Variants in DACT2 observed in about 807,000 individuals in gnomAD.
DACT2 encodes dapper homolog 2.
In DACT2, 20 loss-of-function variants were observed where a neutral mutation model predicts 22.2. That is an observed-to-expected ratio of 0.90 (90% CI 0.63 to 1.31). DACT2 has a LOEUF of 1.31. Among genes scored for constraint, DACT2 ranks in the 50% most tolerant of loss-of-function variants. The pLI, the probability that DACT2 is intolerant of heterozygous loss-of-function variation, is 0.00. For missense variants in DACT2, 1,048 were observed against 1,061.4 expected, an observed-to-expected ratio of 0.99 and a Z score of 0.18; for synonymous variants, 463 against 479.8, an observed-to-expected ratio of 0.96 and a Z score of 0.46.
intron 1 of DACT2, among the ~76,000 whole-genome samples, chr6:168,316,290 T>C (rs1562500658): frequency 6.6e-6 from 1 of 151,408 alleles, no homozygotes. Context: ...TCTGTGGCTG[T>C]CGTGTGCTGA....
chr6:168,313,996 G>C (rs528123227), intron 1 of DACT2, among the ~76,000 whole-genome samples: 1 of 93,342 alleles, frequency 1.1e-5, no homozygotes, highest in Non-Finnish European at 2.3e-5. Context: ...TTCACGCCGC[G>C]CTTGTAACCC....
chr6:168,304,855 G>A (rs1253255123), downstream of DACT2, among the ~76,000 whole-genome samples: 1 of 152,240 alleles, frequency 6.6e-6, no homozygotes. Context: ...CTGAGCGGAG[G>A]CAAGGAGCCA....
intron 3 of DACT2, chr6:168,294,726 T>C (rs939765832): frequency 2.2e-6 from 3 of 1,374,230 alleles, no homozygotes; most frequent in Non-Finnish European, 2.9e-6. Context: ...AAAATGCAAA[T>C]GTGCGTGAGA....
At chr6:168,294,113 A>G in intron 5 of DACT2, 1 of 703,044 alleles carries the variant, frequency 1.4e-6, no homozygotes, top group Non-Finnish European at 2.6e-6. Context: ...GCACACAGAC[A>G]GTGAGCATGG....
At chr6:168,301,050 T>G (rs1779095073) in intron 3 of DACT2, among the ~76,000 whole-genome samples, 1 of 152,130 alleles carries the variant, frequency 6.6e-6, no homozygotes, top group South Asian at 2.1e-4. Context: ...AAACTCTCAT[T>G]TCTTGCTGGG....
Position 168,308,555 on chromosome 6 carries a change from C to T in DACT2, c.1202G>A (p.Gly401Asp). 6.5e-7 allele frequency: 1 copy of T among 1,530,120 alleles called. No individual in the cohort carries two copies. The highest frequency in any genetic ancestry group is 8.7e-7 in the Non-Finnish European group (1 of 1,146,018). 94.8% of individuals were successfully genotyped at this position (1,530,120 alleles called of 1,614,324 possible). A position where few individuals can be genotyped will look rare whatever the true frequency, so the allele number is the denominator to read the frequency against. The change falls in exon 4 of 4, where the codon GGC becomes GAC. Residue 401 changes from glycine (G) to aspartate (D), a missense_variant. Physicochemically the swap from Gly to Asp is moderately conservative, Grantham distance 94. Coordinates refer to ENST00000366795, the MANE Select transcript of DACT2 (RefSeq NM_214462.5). ...GPAQSRGAGR[G>D]GPQQQGYMPL... is the part of the protein sequence containing the mutation. ...CATGTATCCCTGCTGCTGGGGCCCG[C>T]CCCTGCCGGCACCCCTGCTCTGAGC...
chr6:168,319,466 G>C lies in DACT2; in HGVS notation c.168C>G (p.Ala56=). 7.5e-6 allele frequency: 9 copies of C among 1,203,452 alleles called. No homozygotes were observed. Among genetic ancestry groups the C allele is most frequent in the Non-Finnish European group, 9.3e-6 (9 of 970,856 alleles). 74.5% of individuals were successfully genotyped at this position (1,203,452 alleles called of 1,614,324 possible). A position where few individuals can be genotyped will look rare whatever the true frequency, so the allele number is the denominator to read the frequency against. Residue 56 remains alanine, a synonymous_variant, in exon 1 of 4, where the codon GCC becomes GCG. Transcript: ENST00000366795. ...ALALQPPPAP[A]APCGPHGLHG... ...GGAGGCCGTGGGGGCCGCAGGGCGC[G>C]GCGGGCGCGGGCGGGGGCTGCAGGG...
chr6:168,297,863 A>T (rs572499469), intron 3 of DACT2, among the ~76,000 whole-genome samples: 2 of 152,382 alleles, frequency 1.3e-5, no homozygotes, highest in South Asian at 4.1e-4. Flanking sequence ...CAAGGGCAGC[A>T]CGGGGCAGAC....
At chr6:168,315,463 A>T (rs1364692442) in intron 1 of DACT2, among the ~76,000 whole-genome samples, 3 of 152,166 alleles carry the variant, frequency 2.0e-5, no homozygotes, top group Non-Finnish European at 2.9e-5. Flanking sequence ...CAGCAAACCC[A>T]CTTGGGTCGG....
chr6:168,310,596 G>A (rs1562497931), intron 2 of DACT2, 150 bp from the exon 3 acceptor site: 2 of 1,122,966 alleles, frequency 1.8e-6, no homozygotes, highest in Non-Finnish European at 2.5e-6. Flanking sequence ...CACACGGCCG[G>A]CCTGGGAGAG....
rs1172240626 is a variant in DACT2, at chr6:168,317,999, G to A, written c.246+1389C>T. 1.9e-4 allele frequency among the ~76,000 whole-genome samples: 22 copies of A among 114,306 alleles called. 3 individuals carry two copies. Among genetic ancestry groups the A allele is most frequent in the African/African-American group, 4.5e-4 (16 of 35,322 alleles). 75.0% of individuals were successfully genotyped at this position (114,306 alleles called of 152,430 possible). A position where few individuals can be genotyped will look rare whatever the true frequency, so the allele number is the denominator to read the frequency against. On this transcript the variant is annotated intron_variant, in intron 1 of 3. Coordinates refer to ENST00000366795, the MANE Select transcript of DACT2 (RefSeq NM_214462.5). The stretch of plus-strand genomic sequence containing the variant: ...CCTTCCCATCACATGTGTGTAACAC[G>A]TCTGTGGCTGTCGTGTGCTGAGCTG...
At chr6:168,302,033 G>C (rs1158475756), downstream of DACT2, 1 of 152,912 alleles carries the variant, frequency 6.5e-6, no homozygotes, top group South Asian at 2.1e-4. Flanking sequence ...CCTCTTCCCC[G>C]ACCCCCATCC....
At chr6:168,311,595 C>CAT (rs1491233825) in intron 1 of DACT2, among the ~76,000 whole-genome samples, 1 of 93,610 alleles carries the variant, frequency 1.1e-5, no homozygotes, top group Non-Finnish European at 2.2e-5. Flanking sequence ...CACACACACA[C>CAT]ATACACACAC....
At chr6:168,298,014 A>T (rs565871429) in intron 3 of DACT2, 14 of 152,380 alleles carry the variant, frequency 9.2e-5, no homozygotes, top group African/African-American at 3.4e-4. Context: ...AGCTCAGTAA[A>T]TATTCTCCTG....
At chr6:168,297,696 C>T (rs1779030913) in intron 3 of DACT2, among the ~76,000 whole-genome samples, 1 of 152,218 alleles carries the variant, frequency 6.6e-6, no homozygotes, top group South Asian at 2.1e-4. Flanking sequence ...CTGGGAGAGA[C>T]ATGGGGTATC....
chr6:168,298,727 T>C (rs1779049779), intron 3 of DACT2: 1 of 152,236 alleles, frequency 6.6e-6, no homozygotes. Flanking sequence ...AGGCTTCTGC[T>C]CTAGTTGTGA....
Position 168,319,527 on chromosome 6 carries a change from C to CGCAGCCCCTGCAGCTCCT in DACT2, c.89_106dup (p.Gln30_Leu35dup). ...CCGTACCCGCTCCTGCTGCGTGGCT[C>CGCAGCCCCTGCAGCTCCT]GCAGCCCCTGCAGCTCCTGCAGCCC... On this transcript the variant is annotated inframe_insertion, in exon 1 of 4. Coordinates refer to ENST00000366795, the MANE Select transcript of DACT2 (RefSeq NM_214462.5). 4.4e-6 allele frequency: 6 copies of CGCAGCCCCTGCAGCTCCT among 1,365,020 alleles called. No individual in the cohort carries two copies. The highest frequency in any genetic ancestry group is 3.3e-5 in the East Asian group (1 of 30,332). The allele number at this position is 1,365,020 out of a possible 1,614,324, so 84.6% of individuals were successfully genotyped here.
exon 6 of DACT2, chr6:168,293,293 A>AC (rs2114888819): frequency 6.5e-6 from 1 of 153,018 alleles, no homozygotes; most frequent in Non-Finnish European, 1.5e-5. Flanking sequence ...GATTCATCTT[A>AC]TTAACATAGT....
chr6:168,311,952 C>A, intron 1 of DACT2, among the ~76,000 whole-genome samples: 1 of 152,144 alleles, frequency 6.6e-6, no homozygotes, highest in Admixed American at 6.5e-5. Flanking sequence ...CACTCGGCCG[C>A]CTCTGGGTCC....
Sources: allele counts gnomAD v4.1 joint callset (sites outside exome capture counted in the v4.1 genomes callset), GRCh38; gene constraint gnomAD v4.1.1; transcripts MANE v1.5; gene names NCBI Gene and HGNC (gene_info 2026-07-23, HGNC 2026-07-21).